Variants in ADGRL3 observed in about 807,000 individuals in gnomAD.
The protein encoded by ADGRL3 is adhesion G protein-coupled receptor L3.
ADGRL3 carries 62 observed loss-of-function variants against 153.5 expected under a neutral mutation model. The observed-to-expected ratio is 0.40, with a 90% CI of 0.33 to 0.50. The LOEUF (loss-of-function observed/expected upper bound fraction) is 0.50, where lower values mean the gene tolerates loss of function less well. Among genes scored for constraint, ADGRL3 ranks in the 20% least tolerant of loss-of-function variants. The pLI is 0.47. For synonymous variants in ADGRL3, 710 were observed against 672.5 expected, an observed-to-expected ratio of 1.06 and a Z score of -0.86; for missense variants, 1,641 against 1,859.4, an observed-to-expected ratio of 0.88 and a Z score of 2.16.
chr4:61,411,319 A>T (rs1578707115), intron 2 of ADGRL3, among the ~76,000 whole-genome samples: 2 of 152,214 alleles, frequency 1.3e-5, no homozygotes, highest in East Asian at 3.9e-4. Flanking sequence ...TATTTCACTG[A>T]CTGTCTCTCA....
rs150190832 is a variant in ADGRL3, at chr4:61,466,446, C to A, written c.-173-30675C>A. On this transcript the variant is annotated intron_variant, in intron 2 of 26. Transcript: ENST00000683033. ...AGAATAAAATGTTCATTCTATAATT[C>A]CATTGTAGAAATTATACTTTGTCTG... Among the ~76,000 whole-genome samples the A allele has an allele frequency of 7.1e-3, 1,080 of 152,240 alleles. 13 individuals are homozygous for A. Among genetic ancestry groups the A allele is most frequent in the African/African-American group, 0.022 (908 of 41,550 alleles).
At chr4:61,461,988 T>A (rs1336673582) in intron 2 of ADGRL3, among the ~76,000 whole-genome samples, 1 of 152,220 alleles carries the variant, frequency 6.6e-6, no homozygotes, top group Non-Finnish European at 1.5e-5. Flanking sequence ...TCTTAAGCAC[T>A]TTTTATTAAC....
chr4:61,809,930 T>C (rs936755587), intron 8 of ADGRL3, among the ~76,000 whole-genome samples: 4 of 152,144 alleles, frequency 2.6e-5, no homozygotes, highest in Admixed American at 2.6e-4. Context: ...AGTGTTGTTA[T>C]AATCCTCATT....
intron 8 of ADGRL3, among the ~76,000 whole-genome samples, chr4:61,734,308 G>A (rs969652503): frequency 3.3e-5 from 5 of 151,520 alleles, no homozygotes; most frequent in African/African-American, 4.9e-5. Context: ...AAAATTTTTA[G>A]CTAGTGTGTT....
chr4:61,796,051 C>T (rs1971198), intron 8 of ADGRL3, among the ~76,000 whole-genome samples: 36,870 of 151,930 alleles, frequency 0.24, 4,792 homozygotes, highest in East Asian at 0.46. Flanking sequence ...CTATCTTGGC[C>T]GGGCTGGTCT....
chr4:61,997,194 A>T (rs2099124684), intron 20 of ADGRL3, among the ~76,000 whole-genome samples: 1 of 151,640 alleles, frequency 6.6e-6, no homozygotes, highest in South Asian at 2.1e-4. Flanking sequence ...ATCAACAAAT[A>T]CTCACAGTGG....
chr4:61,750,870 C>A (rs114587104), intron 8 of ADGRL3, among the ~76,000 whole-genome samples: 263 of 151,778 alleles, frequency 1.7e-3, no homozygotes, highest in Non-Finnish European at 3.4e-3. Context: ...ACATGTGAAT[C>A]TTGAAGTGGA....
intron 9 of ADGRL3, among the ~76,000 whole-genome samples, chr4:61,844,575 A>AATATAT (rs57750929): frequency 0.4 from 7,258 of 18,162 alleles, 2,076 homozygotes; most frequent in Non-Finnish European, 0.48. Flanking sequence ...AAAAAAAAAA[A>AATATAT]ATATATATAT....
At chr4:61,716,607 T>C (rs2151564207) in intron 6 of ADGRL3, among the ~76,000 whole-genome samples, 1 of 152,298 alleles carries the variant, frequency 6.6e-6, no homozygotes, top group African/African-American at 2.4e-5. Flanking sequence ...AAGAGGGCAC[T>C]GTTCAGTGAC....
intron 9 of ADGRL3, among the ~76,000 whole-genome samples, chr4:61,868,593 T>C (rs1256633552): frequency 6.6e-6 from 1 of 152,216 alleles, no homozygotes; most frequent in Admixed American, 6.5e-5. Flanking sequence ...CCTTTAACTT[T>C]ACTGTTGATT....
chr4:61,502,782 G>A (rs1386808381), intron 3 of ADGRL3, among the ~76,000 whole-genome samples: 3 of 152,042 alleles, frequency 2.0e-5, no homozygotes, highest in Non-Finnish European at 4.4e-5. Flanking sequence ...TAACTACATG[G>A]CATTTTATCA....
chr4:61,934,482 T>A (rs1374843070), intron 13 of ADGRL3, among the ~76,000 whole-genome samples: 1 of 152,188 alleles, frequency 6.6e-6, no homozygotes, highest in Non-Finnish European at 1.5e-5. Context: ...CTCTGAGTCA[T>A]GTGGTAAAAC....
At chr4:61,800,424 A>G (rs918921579) in intron 8 of ADGRL3, among the ~76,000 whole-genome samples, 1 of 152,188 alleles carries the variant, frequency 6.6e-6, no homozygotes, top group East Asian at 1.9e-4. Flanking sequence ...GGCACAATCC[A>G]TTAGCTAATG....
intron 21 of ADGRL3, among the ~76,000 whole-genome samples, chr4:62,013,291 T>C (rs1158882626): frequency 1.3e-5 from 2 of 152,096 alleles, no homozygotes; most frequent in African/African-American, 4.8e-5. Flanking sequence ...TCCCAGCACT[T>C]TGGGAGGCCG....
intron 1 of ADGRL3, among the ~76,000 whole-genome samples, chr4:61,300,750 G>C (rs1466948269): frequency 1.4e-5 from 2 of 144,650 alleles, no homozygotes; most frequent in East Asian, 4.4e-4. Context: ...AATGAGTTTT[G>C]TTTTCTTTTC....
At chr4:61,231,506 C>A (rs550478350) in intron 1 of ADGRL3, among the ~76,000 whole-genome samples, 1 of 152,154 alleles carries the variant, frequency 6.6e-6, no homozygotes, top group South Asian at 2.1e-4. Flanking sequence ...TCTTTGAGAA[C>A]ACTGTAGTTT....
intron 1 of ADGRL3, among the ~76,000 whole-genome samples, chr4:61,356,865 A>G (rs1257588787): frequency 1.3e-5 from 2 of 152,122 alleles, no homozygotes; most frequent in African/African-American, 4.8e-5. Context: ...GTTTGACACA[A>G]CTAGTCAAAA....
chr4:61,386,257 A>G (rs2096735101), intron 2 of ADGRL3, among the ~76,000 whole-genome samples: 1 of 152,136 alleles, frequency 6.6e-6, no homozygotes, highest in East Asian at 1.9e-4. Context: ...CCCTAATTCT[A>G]TTATAGGTTA....
At position 62,071,867 on chromosome 4, in the gene ADGRL3, A is replaced by G. The variant is rs558121409; in HGVS notation, c.*959A>G. 1 of 329,474 alleles carries G rather than the reference A, an allele frequency of 3.0e-6. No individual in the cohort carries two copies. The allele number at this position is 329,474 out of a possible 1,614,324, so 20.4% of individuals were successfully genotyped here. ...AAATTATTTTTTACAAAAAAACAAAATAAATAAAATTAGACTTCCTTCCCT... is the reference window on the plus strand; with the variant it reads ...AAATTATTTTTTACAAAAAAACAAAGTAAATAAAATTAGACTTCCTTCCCT... On this transcript the variant is annotated 3_prime_UTR_variant, in exon 27 of 27. Coordinates refer to ENST00000683033, the MANE Select transcript of ADGRL3 (RefSeq NM_001387552.1).
Sources: gnomAD v4.1 joint callset for allele counts (sites outside exome capture counted in the v4.1 genomes callset) on GRCh38, gnomAD v4.1.1 for gene constraint, MANE v1.5 for transcripts, NCBI Gene and HGNC (gene_info 2026-07-23, HGNC 2026-07-21) for gene names.